KMT2C: variants seen among roughly 807,000 people sequenced by gnomAD.
KMT2C encodes histone-lysine N-methyltransferase 2C.
KMT2C carries 88 observed loss-of-function variants against 507.9 expected under a neutral mutation model. That is an observed-to-expected ratio of 0.17 (90% CI 0.15 to 0.21). The LOEUF (loss-of-function observed/expected upper bound fraction) is 0.21, where lower values mean the gene tolerates loss of function less well. Ranked by LOEUF, KMT2C falls within the 10% of genes least tolerant of loss-of-function variation. The pLI, the probability that KMT2C is intolerant of heterozygous loss-of-function variation, is 1.00. For synonymous variants in KMT2C, 2,049 were observed against 2,080.8 expected (o/e 0.98, Z 0.42); for missense variants, 4,954 against 5,957.8 (o/e 0.83, Z 5.55).
chr7:152,154,073 G>T lies in KMT2C; in HGVS notation c.12213C>A (p.Ser4071=). 1 of 1,613,724 alleles carries T rather than the reference G, an allele frequency of 6.2e-7. No individual in the cohort carries two copies. The highest frequency in any genetic ancestry group is 8.5e-7 in the Non-Finnish European group (1 of 1,179,672). ...TAAGACCTGATCTGGGACCATTTGG[G>T]GAAGGACCAAAAGGTGACGCAAAAT... is the stretch of plus-strand genomic sequence containing the variant. ...TLYFASPFGP[S]PNGPRSGLIS... is the part of the protein sequence containing the mutation. Residue 4071 remains serine (S), a synonymous_variant, in exon 48 of 59, where the codon TCC becomes TCA. Coordinates refer to ENST00000262189, the MANE Select transcript of KMT2C (RefSeq NM_170606.3).
At chr7:152,339,207 A>G (rs2096967405) in intron 2 of KMT2C, among the ~76,000 whole-genome samples, 1 of 152,182 alleles carries the variant, frequency 6.6e-6, no homozygotes, top group South Asian at 2.1e-4. Context: ...TTACTCACTC[A>G]AGGGTTATAG....
chr7:152,286,752 G>A (rs1168959775), intron 6 of KMT2C, among the ~76,000 whole-genome samples: 1 of 152,076 alleles, frequency 6.6e-6, no homozygotes, highest in African/African-American at 2.4e-5. Flanking sequence ...CAGGAGCCAA[G>A]AAACAAAAGA....
chr7:152,290,709 T>TC (rs2096413389), intron 6 of KMT2C, among the ~76,000 whole-genome samples: 1 of 152,050 alleles, frequency 6.6e-6, no homozygotes, highest in African/African-American at 2.4e-5. Flanking sequence ...AACTACCACT[T>TC]CTCAAGCTTT....
intron 1 of KMT2C, among the ~76,000 whole-genome samples, chr7:152,380,258 A>C (rs1235304623): frequency 1.0e-5 from 1 of 95,574 alleles, no homozygotes; most frequent in Admixed American, 1.2e-4. Context: ...AAAACAAAAC[A>C]AAACAAAAAA....
rs1010608206 is a variant in KMT2C at position 152,183,173 on chromosome 7, G to T, written c.5083-17C>A. 13 of 1,492,880 alleles carry T rather than the reference G, an allele frequency of 8.7e-6. No individual in the cohort carries two copies. Among genetic ancestry groups the T allele is most frequent in the South Asian group, 1.4e-5 (1 of 72,354 alleles). 92.5% of individuals were successfully genotyped at this position (1,492,880 alleles called of 1,614,324 possible). A position where few individuals can be genotyped will look rare whatever the true frequency, so the allele number is the denominator to read the frequency against. ...GGCTTTTTGCTTTGACAAAAGAAGA[G>T]AAAAAAATTTCCCAGATTATGTTAA... On this transcript the variant is annotated splice_polypyrimidine_tract_variant and intron_variant, in intron 34 of 58. Transcript: ENST00000262189.
intron 1 of KMT2C, among the ~76,000 whole-genome samples, chr7:152,376,496 A>G (rs113152395): frequency 2.0e-5 from 3 of 152,388 alleles, no homozygotes; most frequent in African/African-American, 7.2e-5. Context: ...GTCAGTGAAC[A>G]TGAAACAATC....
At chr7:152,334,089 C>CA (rs796429675) in intron 2 of KMT2C, among the ~76,000 whole-genome samples, 18 of 150,498 alleles carry the variant, frequency 1.2e-4, no homozygotes, top group South Asian at 2.1e-4. Flanking sequence ...AATCCCCCCC[C>CA]AAAAAAAAAG....
intron 1 of KMT2C, among the ~76,000 whole-genome samples, chr7:152,364,214 CTCA>C (rs1352656690): frequency 6.6e-6 from 1 of 152,094 alleles, no homozygotes; most frequent in Non-Finnish European, 1.5e-5. Context: ...ATAAGTATGC[CTCA>C]TATGCGCAAG....
rs1040827529 is a variant in KMT2C, at chr7:152,138,558, G to A, written c.14643+238C>T. ...GGTGCCATGGGGATGCTGAACCCGTGGCACAGAAGGGAAGGGAGAGGTGAC... is the reference window on the plus strand; with the variant it reads ...GGTGCCATGGGGATGCTGAACCCGTAGCACAGAAGGGAAGGGAGAGGTGAC... On this transcript the variant is annotated intron_variant, in intron 58 of 58. Coordinates refer to ENST00000262189, the MANE Select transcript of KMT2C (RefSeq NM_170606.3). This position sits in a 1 kb window ranked among gnomAD's most constrained non-coding sequence, Gnocchi z 4.2. 7.5e-6 allele frequency: 3 copies of A among 400,278 alleles called. No homozygotes were observed. The highest frequency in any genetic ancestry group is 6.3e-5 in the African/African-American group (3 of 47,326). 24.8% of individuals were successfully genotyped at this position (400,278 alleles called of 1,614,324 possible).
At chr7:152,207,504 A>ACATAATGGGGAACAAC (rs1331989513) in intron 23 of KMT2C, 76 bp from the exon 24 acceptor site, 1 of 1,366,048 alleles carries the variant, frequency 7.3e-7, no homozygotes, top group African/African-American at 1.5e-5. Context: ...GGGGAATAAA[A>ACATAATGGGGAACAAC]AGTAGGGTTG....
intron 1 of KMT2C, among the ~76,000 whole-genome samples, chr7:152,414,007 C>T (rs1471464140): frequency 6.6e-6 from 1 of 151,848 alleles, no homozygotes; most frequent in Non-Finnish European, 1.5e-5. Flanking sequence ...GTCAGAAATT[C>T]GAGACCAGCC....
At chr7:152,214,703 A>G (rs1479453473) in intron 23 of KMT2C, among the ~76,000 whole-genome samples, 1 of 152,176 alleles carries the variant, frequency 6.6e-6, no homozygotes, top group Non-Finnish European at 1.5e-5. Context: ...CCAGACACAG[A>G]AAAATACTGT....
At chr7:152,392,308 T>A (rs998256180) in intron 1 of KMT2C, among the ~76,000 whole-genome samples, 1 of 152,162 alleles carries the variant, frequency 6.6e-6, no homozygotes, top group African/African-American at 2.4e-5. Context: ...TACTACTACT[T>A]CTTTATTTTT....
Position 152,138,649 on chromosome 7 carries a change from G to T in KMT2C, c.14643+147C>A, listed in dbSNP as rs1033662581. On this transcript the variant is annotated intron_variant, in intron 58 of 58. Transcript: ENST00000262189. This position sits in a 1 kb window ranked among gnomAD's most constrained non-coding sequence, Gnocchi z 4.2. ...TGGAGTGCCTGAAGGGTGAGATACT[G>T]CAGGGTGGGAACATCTGGCCTATTA... The T allele has an allele frequency of 1.4e-5, 8 of 575,296 alleles. No homozygotes were observed. Among genetic ancestry groups the T allele is most frequent in the Non-Finnish European group, 2.5e-5 (8 of 323,762 alleles). The allele number at this position is 575,296 out of a possible 1,614,324, so 35.6% of individuals were successfully genotyped here. A position where few individuals can be genotyped will look rare whatever the true frequency, so the allele number is the denominator to read the frequency against.
At chr7:152,396,454 A>G (rs558324740) in intron 1 of KMT2C, among the ~76,000 whole-genome samples, 4 of 152,316 alleles carry the variant, frequency 2.6e-5, no homozygotes, top group African/African-American at 9.6e-5. Flanking sequence ...CTTGGCATAC[A>G]TTAAACCAAT....
intron 6 of KMT2C, among the ~76,000 whole-genome samples, chr7:152,293,556 G>C (rs2096457415): frequency 6.6e-6 from 1 of 152,096 alleles, no homozygotes; most frequent in Non-Finnish European, 1.5e-5. Context: ...ATTTTATGCA[G>C]ATGTAAGTTC....
At chr7:152,283,366 G>A (rs2096251069) in intron 6 of KMT2C, among the ~76,000 whole-genome samples, 1 of 152,212 alleles carries the variant, frequency 6.6e-6, no homozygotes, top group South Asian at 2.1e-4. Flanking sequence ...TTTCATTTTA[G>A]TAGGAGTAAA....
chr7:152,377,689 C>T (rs967637985), intron 1 of KMT2C, among the ~76,000 whole-genome samples: 47 of 149,194 alleles, frequency 3.2e-4, no homozygotes, highest in African/African-American at 1.0e-3. Context: ...AAACCAAGAT[C>T]GCACCACTGC....
intron 6 of KMT2C, among the ~76,000 whole-genome samples, chr7:152,293,475 A>G (rs995728137): frequency 3.9e-5 from 6 of 152,244 alleles, no homozygotes; most frequent in African/African-American, 1.4e-4. Flanking sequence ...ATCACTTTGT[A>G]TACAACTATA....
Sources: gnomAD v4.1 joint callset for allele counts (sites outside exome capture counted in the v4.1 genomes callset) on GRCh38, gnomAD v4.1.1 for gene constraint, Gnocchi (gnomAD v3.1) non-coding constraint, MANE v1.5 for transcripts, NCBI Gene and HGNC (gene_info 2026-07-23, HGNC 2026-07-21) for gene names.